CDH13: variants seen among roughly 807,000 people sequenced by gnomAD.
The protein encoded by CDH13 is cadherin 13.
Under a neutral mutation model 63.8 loss-of-function variants are expected in CDH13, and 24 were observed. The observed-to-expected ratio is 0.38, with a 90% CI of 0.27 to 0.53. The LOEUF is 0.53. Ranked by LOEUF, CDH13 falls within the 20% of genes least tolerant of loss-of-function variation. CDH13 has a pLI of 0.85. For missense variants in CDH13, 1,049 were observed against 903.1 expected, an observed-to-expected ratio of 1.16 and a Z score of -2.07; for synonymous variants, 503 against 355.3, an observed-to-expected ratio of 1.42 and a Z score of -4.67.
intron 1 of CDH13, among the ~76,000 whole-genome samples, chr16:82,636,433 G>T (rs939183459): frequency 1.3e-5 from 2 of 152,150 alleles, no homozygotes; most frequent in African/African-American, 4.8e-5. Flanking sequence ...TAAAGTGACC[G>T]ACGTGCAGCC....
At chr16:82,694,355 T>C (rs1298246583) in intron 1 of CDH13, among the ~76,000 whole-genome samples, 6 of 152,188 alleles carry the variant, frequency 3.9e-5, no homozygotes, top group Non-Finnish European at 7.4e-5. Flanking sequence ...CACCCCAACA[T>C]TTTTTTATGG....
intron 1 of CDH13, among the ~76,000 whole-genome samples, chr16:82,686,482 T>C (rs1246879256): frequency 6.6e-6 from 1 of 152,176 alleles, no homozygotes. Context: ...GAATGCAGGC[T>C]CGGCTTTTCC....
chr16:83,606,277 A>G (rs1404356606), intron 8 of CDH13, among the ~76,000 whole-genome samples: 1 of 152,188 alleles, frequency 6.6e-6, no homozygotes, highest in African/African-American at 2.4e-5. Context: ...TTGGGAATAT[A>G]TGAGGTTTTT....
At chr16:83,549,106 G>C (rs997841580) in intron 7 of CDH13, among the ~76,000 whole-genome samples, 24 of 152,176 alleles carry the variant, frequency 1.6e-4, no homozygotes, top group African/African-American at 5.8e-4. Flanking sequence ...AGGTGACCTG[G>C]TGAGAGCCAC....
chr16:83,553,693 A>T (rs538999667), intron 7 of CDH13, among the ~76,000 whole-genome samples: 265 of 152,268 alleles, frequency 1.7e-3, no homozygotes, highest in Non-Finnish European at 3.2e-3. Context: ...AGTAGTTGGG[A>T]TTACAGGCAC....
chr16:83,606,353 A>G (rs1037139487), intron 8 of CDH13, among the ~76,000 whole-genome samples: 2 of 152,152 alleles, frequency 1.3e-5, no homozygotes, highest in African/African-American at 2.4e-5. Context: ...TTTGAAATCT[A>G]TATAAAAGAG....
intron 5 of CDH13, among the ~76,000 whole-genome samples, chr16:83,240,572 G>T (rs537918176): frequency 6.6e-6 from 1 of 151,892 alleles, no homozygotes; most frequent in East Asian, 1.9e-4. Flanking sequence ...CTTGAAAGAG[G>T]CATCAGAATT....
At chr16:82,811,884 G>A (rs1284918869) in intron 1 of CDH13, among the ~76,000 whole-genome samples, 2 of 152,180 alleles carry the variant, frequency 1.3e-5, no homozygotes, top group Non-Finnish European at 1.5e-5. Context: ...CAGGTTTAGG[G>A]AAGATGACCA....
chr16:83,169,961 T>G (rs1319538186), intron 4 of CDH13, among the ~76,000 whole-genome samples: 2 of 152,170 alleles, frequency 1.3e-5, no homozygotes, highest in African/African-American at 4.8e-5. Context: ...ATGTATGGTT[T>G]AATGTGAAGT....
intron 2 of CDH13, among the ~76,000 whole-genome samples, chr16:82,958,225 C>A (rs1159099413): frequency 6.6e-6 from 1 of 152,178 alleles, no homozygotes; most frequent in Non-Finnish European, 1.5e-5. Flanking sequence ...AACTTGAATA[C>A]CTACTTAACA....
chr16:83,686,495 A>G (rs1213645771), intron 10 of CDH13, among the ~76,000 whole-genome samples: 1 of 152,242 alleles, frequency 6.6e-6, no homozygotes, highest in Admixed American at 6.5e-5. Context: ...ATTAATAAAT[A>G]TCAACTGCCC....
At chr16:83,252,939 C>G (rs769650563) in intron 5 of CDH13, among the ~76,000 whole-genome samples, 72 of 152,134 alleles carry the variant, frequency 4.7e-4, no homozygotes, top group Non-Finnish European at 4.4e-4. Context: ...CCTTAATTAA[C>G]TTTCTGAACC....
At chr16:83,688,871 C>A (rs558278369) in intron 10 of CDH13, among the ~76,000 whole-genome samples, 1 of 152,236 alleles carries the variant, frequency 6.6e-6, no homozygotes, top group East Asian at 1.9e-4. Context: ...CTGGGGGAAA[C>A]AAAGCCTCAC....
At chr16:82,865,136 G>A (rs2040081854) in intron 2 of CDH13, among the ~76,000 whole-genome samples, 1 of 152,224 alleles carries the variant, frequency 6.6e-6, no homozygotes, top group African/African-American at 2.4e-5. Context: ...GTGGGGTACA[G>A]CCCCACTCCC....
At chr16:82,907,568 C>T (rs887443149) in intron 2 of CDH13, among the ~76,000 whole-genome samples, 4 of 152,190 alleles carry the variant, frequency 2.6e-5, no homozygotes, top group Non-Finnish European at 5.9e-5. Flanking sequence ...CAAAACAGTC[C>T]ATGCTTGCAA....
At chr16:83,567,973 G>A (rs1206913231) in intron 7 of CDH13, among the ~76,000 whole-genome samples, 1 of 152,148 alleles carries the variant, frequency 6.6e-6, no homozygotes, top group African/African-American at 2.4e-5. Context: ...TCTGCAGAGT[G>A]CTGCCCACAT....
intron 5 of CDH13, among the ~76,000 whole-genome samples, chr16:83,333,533 G>A (rs911274348): frequency 5.3e-5 from 8 of 152,170 alleles, no homozygotes; most frequent in African/African-American, 1.9e-4. Flanking sequence ...GTGGCTGGTA[G>A]TGATGTTGCC....
intron 3 of CDH13, among the ~76,000 whole-genome samples, chr16:83,110,533 G>C (rs930398938): frequency 1.1e-4 from 16 of 152,162 alleles, no homozygotes; most frequent in African/African-American, 3.9e-4. Flanking sequence ...GTATGTAGAG[G>C]TGTAGTGAAG....
chr16:82,810,308 T>C (rs917014228), intron 1 of CDH13, among the ~76,000 whole-genome samples: 7 of 152,116 alleles, frequency 4.6e-5, no homozygotes, highest in Admixed American at 4.6e-4. Flanking sequence ...TTCTCTTTGC[T>C]AAAGTTAGGG....
Sources: allele counts gnomAD v4.1 joint callset (sites outside exome capture counted in the v4.1 genomes callset), GRCh38; gene constraint gnomAD v4.1.1; transcripts MANE v1.5; gene names NCBI Gene and HGNC (gene_info 2026-07-23, HGNC 2026-07-21).